Variants in UHRF1 observed in about 807,000 individuals in gnomAD.
The protein encoded by UHRF1 is E3 ubiquitin-protein ligase UHRF1.
Under a neutral mutation model 96.5 loss-of-function variants are expected in UHRF1, and 9 were observed. That is an observed-to-expected ratio of 0.09 (90% CI 0.06 to 0.16). UHRF1 has a LOEUF of 0.16. Among genes scored for constraint, UHRF1 ranks in the 10% least tolerant of loss-of-function variants. UHRF1 has a pLI of 1.00. For synonymous variants in UHRF1, 455 were observed against 469.9 expected (o/e 0.97, Z 0.41); for missense variants, 626 against 1,131.1 (o/e 0.55, Z 6.40).
At chr19:4,936,907 A>G (rs2033232706) in intron 5 of UHRF1, among the ~76,000 whole-genome samples, 2 of 152,152 alleles carry the variant, frequency 1.3e-5, no homozygotes, top group African/African-American at 4.8e-5. Flanking sequence ...CTGTGTTATC[A>G]CAACTGGAAT....
chr19:4,904,272 G>A (rs2032015479), intron 1 of UHRF1, among the ~76,000 whole-genome samples: 2 of 152,074 alleles, frequency 1.3e-5, no homozygotes, highest in South Asian at 2.1e-4. Context: ...TCCGCCTCCC[G>A]TGTTCATGCC....
chr19:4,946,241 C>T (rs148106519), intron 10 of UHRF1, among the ~76,000 whole-genome samples: 48 of 148,434 alleles, frequency 3.2e-4, no homozygotes, highest in African/African-American at 1.1e-3. Context: ...GTGACTCTGA[C>T]GACTCTGGAG....
At chr19:4,956,584 C>T (rs1055122448) in intron 15 of UHRF1, 125 bp from the exon 16 acceptor site, 24 of 679,696 alleles carry the variant, frequency 3.5e-5, no homozygotes, top group African/African-American at 8.9e-5. Context: ...TCATGGCCCC[C>T]GCCTCCTGGA....
At chr19:4,925,146 C>T (rs2123730) in intron 2 of UHRF1, among the ~76,000 whole-genome samples, 48,037 of 151,894 alleles carry the variant, frequency 0.32, 8,131 homozygotes, top group African/African-American at 0.41. Context: ...TTTTAAATAA[C>T]GGCTTTATTA....
At chr19:4,933,247 G>C (rs908942595) in intron 5 of UHRF1, among the ~76,000 whole-genome samples, 1 of 151,940 alleles carries the variant, frequency 6.6e-6, no homozygotes, top group Admixed American at 6.6e-5. Context: ...TTTTTTTATC[G>C]CTCTGTTGCC....
At chr19:4,946,767 G>A (rs1033504674) in intron 10 of UHRF1, among the ~76,000 whole-genome samples, 1 of 151,906 alleles carries the variant, frequency 6.6e-6, no homozygotes, top group Non-Finnish European at 1.5e-5. Flanking sequence ...GTGGTGATGG[G>A]GTTTCGCCAT....
At chr19:4,943,133 G>C (rs1310660638) in intron 7 of UHRF1, among the ~76,000 whole-genome samples, 1 of 151,932 alleles carries the variant, frequency 6.6e-6, no homozygotes, top group South Asian at 2.1e-4. Context: ...CCAGCTACTC[G>C]GGAGGCTGAG....
At chr19:4,907,235 G>A (rs1185141434), upstream of UHRF1, among the ~76,000 whole-genome samples, 1 of 152,074 alleles carries the variant, frequency 6.6e-6, no homozygotes, top group Non-Finnish European at 1.5e-5. Flanking sequence ...TCAATCTCCT[G>A]AGTAGCTGGG....
At chr19:4,903,420 C>A (rs996648896) in exon 1 of UHRF1, 2 of 153,484 alleles carry the variant, frequency 1.3e-5, no homozygotes, top group African/African-American at 4.8e-5. Flanking sequence ...TCAAGCAATT[C>A]TCCTGCTTCA....
In UHRF1 at chr19:4,922,342, T is replaced by C. The variant is rs2032728079; in HGVS notation, c.154-6880T>C. Among the ~76,000 whole-genome samples the C allele has an allele frequency of 3.3e-5, 5 of 151,956 alleles. No homozygotes were observed. In the South Asian group the frequency reaches 1.0e-3, roughly 32 times the overall value. On this transcript the variant is annotated intron_variant, in intron 2 of 16. Transcript: ENST00000650932. ...GTGCAGTGGTGTGATCTCGGCTCAC[T>C]GCAAACTCTGCCTCCTGGGTTCAAG...
rs192723688 is a variant in UHRF1, at chr19:4,926,184, G to A, written c.154-3038G>A. Reference sequence around the variant, plus strand: ...GCTGGGATTACAGGCGTGAGCCACCGCACCCAGCCTCAATCCCCTCACCTG... The same window carrying A: ...GCTGGGATTACAGGCGTGAGCCACCACACCCAGCCTCAATCCCCTCACCTG... On this transcript the variant is annotated intron_variant, in intron 2 of 16. Transcript: ENST00000650932. Among the ~76,000 whole-genome samples the A allele has an allele frequency of 7.1e-3, 1,080 of 152,278 alleles. 12 individuals are homozygous for A. Among genetic ancestry groups the A allele is most frequent in the African/African-American group, 0.025 (1,028 of 41,566 alleles).
chr19:4,924,125 C>T (rs1325154554), intron 2 of UHRF1, among the ~76,000 whole-genome samples: 2 of 152,140 alleles, frequency 1.3e-5, no homozygotes, highest in Admixed American at 6.6e-5. Context: ...AACCACCATG[C>T]CTGGCTAATT....
intron 5 of UHRF1, among the ~76,000 whole-genome samples, chr19:4,935,174 C>T (rs2033179412): frequency 6.6e-6 from 1 of 152,018 alleles, no homozygotes; most frequent in African/African-American, 2.4e-5. Flanking sequence ...CACCATGCTG[C>T]CCAGGCTGGT....
chr19:4,910,700 T>G (rs2032233074), intron 1 of UHRF1, 176 bp from the exon 2 acceptor site: 1 of 560,770 alleles, frequency 1.8e-6, no homozygotes, highest in Non-Finnish European at 2.9e-6. Context: ...CTTAAGTGCT[T>G]AATTTGTTGT....
At chr19:4,957,297 GTTTTTTTTTT>G (rs59654364) in intron 16 of UHRF1, among the ~76,000 whole-genome samples, 61 of 51,036 alleles carry the variant, frequency 1.2e-3, no homozygotes, top group Non-Finnish European at 1.6e-3. Flanking sequence ...CCAGCTGATG[GTTTTTTTTTT>G]TTTTTTTTTT....
intron 2 of UHRF1, among the ~76,000 whole-genome samples, chr19:4,926,120 T>G (rs1019445392): frequency 6.6e-6 from 1 of 150,594 alleles, no homozygotes; most frequent in Non-Finnish European, 1.5e-5. Context: ...GGTCTTGAAC[T>G]CCTGACCTCG....
intron 13 of UHRF1, 28 bp downstream of exon 13, chr19:4,951,024 T>TG (rs2145203229): frequency 6.4e-7 from 1 of 1,574,400 alleles, no homozygotes; most frequent in East Asian, 2.3e-5. Flanking sequence ...GATGGCACTT[T>TG]GGGAGGCCAA....
chr19:4,955,323 C>G (rs912569256), intron 15 of UHRF1, among the ~76,000 whole-genome samples: 1 of 152,146 alleles, frequency 6.6e-6, no homozygotes, highest in Non-Finnish European at 1.5e-5. Context: ...GGTCTAGAGG[C>G]ACTGTATCCC....
chr19:4,909,628 A>C lies in UHRF1; in HGVS notation c.-38A>C, dbSNP rs1355616256. 3.4e-6 allele frequency: 2 copies of C among 596,866 alleles called. No individual in the cohort carries two copies. Among genetic ancestry groups the C allele is most frequent in the Non-Finnish European group, 2.9e-6 (1 of 339,164 alleles). 37.0% of individuals were successfully genotyped at this position (596,866 alleles called of 1,614,324 possible). On this transcript the variant is annotated 5_prime_UTR_variant, in exon 1 of 17. Transcript: ENST00000650932. ...CCCCAGCCGGGCCACGCGCGCAGGC[A>C]GACAAGCTGTTCGCGGCGACCGGAG...
Sources: allele counts gnomAD v4.1 joint callset (sites outside exome capture counted in the v4.1 genomes callset), GRCh38; gene constraint gnomAD v4.1.1; transcripts MANE v1.5; gene names NCBI Gene and HGNC (gene_info 2026-07-23, HGNC 2026-07-21).